GRIA3: variants seen among roughly 807,000 people sequenced by gnomAD.
GRIA3 encodes the protein glutamate receptor 3.
GRIA3 carries 3 observed loss-of-function variants against 63.0 expected under a neutral mutation model. The ratio of observed to expected loss-of-function variants is 0.05; its 90% CI spans 0.02 to 0.12. The LOEUF is 0.12. Ranked by LOEUF, GRIA3 falls within the 10% of genes least tolerant of loss-of-function variation. The pLI is 1.00. For synonymous variants in GRIA3, 274 were observed against 257.9 expected (o/e 1.06, Z -0.60); for missense variants, 347 against 700.9 (o/e 0.50, Z 5.70).
chrX:123,384,070 G>A (rs2045340062), intron 5 of GRIA3, among the ~76,000 whole-genome samples: 1 of 112,233 alleles, frequency 8.9e-6, no homozygotes, highest in Non-Finnish European at 1.9e-5. Flanking sequence ...ATTCCATGGT[G>A]TATATGTAGC....
intron 11 of GRIA3, among the ~76,000 whole-genome samples, chrX:123,426,884 T>C (rs1009902347): frequency 7.1e-5 from 8 of 112,147 alleles, no homozygotes; most frequent in African/African-American, 2.6e-4. Context: ...TCCAATAGAA[T>C]TTCTCCATCA....
intron 3 of GRIA3, among the ~76,000 whole-genome samples, chrX:123,262,907 C>T (rs1263414448): frequency 9.0e-6 from 1 of 111,234 alleles, no homozygotes; most frequent in Non-Finnish European, 1.9e-5. Flanking sequence ...AACAACATGG[C>T]ATTCCCATCA....
In GRIA3 at chrX:123,482,790, T is replaced by C. The variant is rs764014263; in HGVS notation, c.2440-9T>C. 9 of 1,210,785 alleles carry C rather than the reference T, an allele frequency of 7.4e-6. No individual in the cohort carries two copies. The highest frequency in any genetic ancestry group is 2.3e-4 in the Middle Eastern group (1 of 4,330). On this transcript the variant is annotated splice_polypyrimidine_tract_variant and intron_variant, in intron 14 of 15. Transcript: ENST00000620443. Reference sequence around the variant, plus strand: ...CCCAAGATCTAATCACGTTGTTCATTTCTCTTAGGACAAGACCAGCGCTCT... The same window carrying C: ...CCCAAGATCTAATCACGTTGTTCATCTCTCTTAGGACAAGACCAGCGCTCT...
intron 3 of GRIA3, among the ~76,000 whole-genome samples, chrX:123,263,932 G>C (rs1223221891): frequency 8.9e-6 from 1 of 111,802 alleles, no homozygotes; most frequent in Non-Finnish European, 1.9e-5. Context: ...GAGACATATG[G>C]AACTCATTAC....
At position 123,390,012 on chromosome X, in the gene GRIA3, A is replaced by G. The variant is rs546855597; in HGVS notation, c.751-4956A>G. On this transcript the variant is annotated intron_variant, in intron 5 of 15. Coordinates refer to ENST00000620443, the MANE Select transcript of GRIA3 (RefSeq NM_007325.5). ...TGAGCCACCGCGCCTGGCCCAGTCTATATCTTTTAAGTAGAAAGTTTAATC... is the reference window on the plus strand; with the variant it reads ...TGAGCCACCGCGCCTGGCCCAGTCTGTATCTTTTAAGTAGAAAGTTTAATC... Among the ~76,000 whole-genome samples, 19 of 112,032 alleles carry G rather than the reference A, an allele frequency of 1.7e-4. No homozygotes were observed. In the Admixed American group the frequency reaches 1.7e-3, roughly 10 times the overall value.
At chrX:123,367,440 GTTTT>G (rs1163784682) in intron 5 of GRIA3, among the ~76,000 whole-genome samples, 2 of 106,421 alleles carry the variant, frequency 1.9e-5, no homozygotes, top group Non-Finnish European at 3.9e-5. Flanking sequence ...TTTGTTTTTT[GTTTT>G]TTGTTTTTTT....
chrX:123,353,165 C>T (rs761630195), intron 4 of GRIA3, among the ~76,000 whole-genome samples: 5 of 111,529 alleles, frequency 4.5e-5, no homozygotes, highest in Non-Finnish European at 9.4e-5. Flanking sequence ...TCAACTTAAA[C>T]ATTGCCTCGT....
chrX:123,445,857 T>A (rs1445013552), intron 12 of GRIA3, among the ~76,000 whole-genome samples: 1 of 112,324 alleles, frequency 8.9e-6, no homozygotes, highest in African/African-American at 3.2e-5. Flanking sequence ...AAACAACCTA[T>A]GCATCAATAG....
At chrX:123,449,172 A>G (rs2088170912) in intron 12 of GRIA3, among the ~76,000 whole-genome samples, 1 of 112,259 alleles carries the variant, frequency 8.9e-6, no homozygotes, top group Non-Finnish European at 1.9e-5. Context: ...ATTGGTGACT[A>G]GGTGGCTTCT....
chrX:123,314,634 T>C (rs1358194935), intron 3 of GRIA3, among the ~76,000 whole-genome samples: 1 of 111,935 alleles, frequency 8.9e-6, no homozygotes, highest in Non-Finnish European at 1.9e-5. Flanking sequence ...ACATATCTAT[T>C]TGGGCATGTT....
intron 3 of GRIA3, among the ~76,000 whole-genome samples, chrX:123,274,922 C>T (rs2044545604): frequency 1.8e-5 from 2 of 111,594 alleles, no homozygotes; most frequent in South Asian, 7.6e-4. Flanking sequence ...GGAAGCTAAA[C>T]TGGGCCCATG....
At chrX:123,313,700 T>C (rs2044813219) in intron 3 of GRIA3, among the ~76,000 whole-genome samples, 1 of 112,093 alleles carries the variant, frequency 8.9e-6, no homozygotes, top group African/African-American at 3.2e-5. Flanking sequence ...AGAAGCCTTT[T>C]GCTTAGTGGA....
At chrX:123,212,893 G>A (rs967946616) in intron 2 of GRIA3, among the ~76,000 whole-genome samples, 2 of 111,857 alleles carry the variant, frequency 1.8e-5, no homozygotes, top group Admixed American at 9.4e-5. Flanking sequence ...CTAGAGAAGT[G>A]AGGGTGTCCA....
At chrX:123,466,446 A>G (rs2045834379) in intron 13 of GRIA3, among the ~76,000 whole-genome samples, 1 of 111,791 alleles carries the variant, frequency 8.9e-6, no homozygotes, top group Non-Finnish European at 1.9e-5. Context: ...CTGTGATACT[A>G]TATGTGTGTA....
At chrX:123,419,578 C>A (rs1009527450) in intron 11 of GRIA3, among the ~76,000 whole-genome samples, 1 of 111,067 alleles carries the variant, frequency 9.0e-6, no homozygotes, top group Non-Finnish European at 1.9e-5. Context: ...CAAGGGCTTG[C>A]AGGGAGCAGA....
chrX:123,280,992 C>T (rs1255413643), intron 3 of GRIA3, among the ~76,000 whole-genome samples: 1 of 111,285 alleles, frequency 9.0e-6, no homozygotes, highest in African/African-American at 3.3e-5. Context: ...TACTCAAGGC[C>T]GAGATTATCA....
At chrX:123,222,872 C>T (rs145096620) in intron 2 of GRIA3, among the ~76,000 whole-genome samples, 5 of 112,282 alleles carry the variant, frequency 4.5e-5, no homozygotes, top group Non-Finnish European at 7.5e-5. Context: ...CTGCACACCA[C>T]GAGATCTATA....
chrX:123,398,824 T>C lies in GRIA3; in HGVS notation c.1080+21T>C, dbSNP rs776696269. The C allele has an allele frequency of 8.8e-5, 103 of 1,169,262 alleles. No homozygotes were observed. In the South Asian group the frequency reaches 1.5e-3, roughly 17 times the overall value. ...AAATGGTAAAGACCACAATGGGTTA[T>C]TGGGGTGGAAGAAACTTATAAAGAC... On this transcript the variant is annotated intron_variant, in intron 7 of 15. Coordinates refer to ENST00000620443, the MANE Select transcript of GRIA3 (RefSeq NM_007325.5).
intron 4 of GRIA3, among the ~76,000 whole-genome samples, chrX:123,331,689 T>C (rs1291564939): frequency 9.0e-6 from 1 of 111,641 alleles, no homozygotes; most frequent in East Asian, 2.8e-4. Flanking sequence ...AAAAGACAGT[T>C]TGGGTTAGCA....
Sources: gnomAD v4.1 joint callset for allele counts (sites outside exome capture counted in the v4.1 genomes callset) on GRCh38, gnomAD v4.1.1 for gene constraint, MANE v1.5 for transcripts, NCBI Gene and HGNC (gene_info 2026-07-23, HGNC 2026-07-21) for gene names.